ABCB11: variants seen among roughly 807,000 people sequenced by gnomAD.
ABCB11 encodes bile salt export pump.
Under a neutral mutation model 148.0 loss-of-function variants are expected in ABCB11, and 95 were observed. That is an observed-to-expected ratio of 0.64 (90% CI 0.54 to 0.76). The LOEUF (loss-of-function observed/expected upper bound fraction) is 0.76, where lower values mean the gene tolerates loss of function less well. Ranked by LOEUF, ABCB11 falls within the 30% of genes least tolerant of loss-of-function variation. The pLI, the probability that ABCB11 is intolerant of heterozygous loss-of-function variation, is 0.00. For missense variants in ABCB11, 1,523 were observed against 1,617.8 expected (o/e 0.94, Z 1.01); for synonymous variants, 591 against 555.4 (o/e 1.06, Z -0.90).
intron 8 of ABCB11, 36 bp from the exon 9 acceptor site, chr2:168,990,961 C>A (rs371433777): frequency 3.4e-5 from 55 of 1,606,324 alleles, no homozygotes; most frequent in Non-Finnish European, 4.5e-5. Flanking sequence ...AATGTGAAGT[C>A]CAAGAAATTA....
intron 25 of ABCB11, 124 bp from the exon 26 acceptor site, chr2:168,927,486 G>T: frequency 1.3e-6 from 1 of 757,726 alleles, no homozygotes; most frequent in Non-Finnish European, 2.1e-6. Flanking sequence ...CAATCCCAAG[G>T]CTAAAATTAT....
chr2:169,002,677 G>A (rs1694910762), intron 5 of ABCB11, among the ~76,000 whole-genome samples: 1 of 152,158 alleles, frequency 6.6e-6, no homozygotes, highest in African/African-American at 2.4e-5. Context: ...AATAAGCCAG[G>A]CACAGAAAGA....
chr2:169,006,010 C>CA (rs1695007665), intron 5 of ABCB11, among the ~76,000 whole-genome samples: 1 of 151,958 alleles, frequency 6.6e-6, no homozygotes, highest in African/African-American at 2.4e-5. Flanking sequence ...ACAAACTCTT[C>CA]AAAAAACAGA....
intron 10 of ABCB11, among the ~76,000 whole-genome samples, chr2:168,984,190 C>G (rs73018770): frequency 1.3e-5 from 2 of 152,046 alleles, no homozygotes; most frequent in Non-Finnish European, 2.9e-5. Context: ...CCTTCCTGGA[C>G]CCCCGCCACA....
chr2:169,023,184 C>A (rs532990476), intron 1 of ABCB11, among the ~76,000 whole-genome samples: 1 of 152,264 alleles, frequency 6.6e-6, no homozygotes, highest in East Asian at 1.9e-4. Context: ...CATGTTAATA[C>A]CCCAGATCCC....
chr2:168,944,898 CAAAAAG>C lies in ABCB11; in HGVS notation c.2401_2406del (p.Leu801_Phe802del). 6.3e-7 allele frequency: 1 copy of C among 1,578,152 alleles called. No homozygotes were observed. Among genetic ancestry groups the C allele is most frequent in the Non-Finnish European group, 8.6e-7 (1 of 1,160,270 alleles). On this transcript the variant is annotated inframe_deletion, in exon 20 of 28. Coordinates refer to ENST00000650372, the MANE Select transcript of ABCB11 (RefSeq NM_003742.4). ...AAAAGAGATACACAGCCCATTGCTA[CAAAAAG>C]TAGGCACACACCATTGATCTGTGAC...
chr2:168,930,067 T>C (rs1691499868), intron 25 of ABCB11, among the ~76,000 whole-genome samples: 2 of 152,096 alleles, frequency 1.3e-5, no homozygotes, highest in African/African-American at 4.8e-5. Context: ...TTTTGTGACC[T>C]TCTGCATATA....
At chr2:168,959,507 A>C (rs1460466984) in intron 18 of ABCB11, among the ~76,000 whole-genome samples, 1 of 151,686 alleles carries the variant, frequency 6.6e-6, no homozygotes, top group Admixed American at 6.6e-5. Flanking sequence ...TTTCATCCTT[A>C]AAACGAGAGA....
chr2:168,969,188 A>G (rs1693458020), intron 16 of ABCB11, among the ~76,000 whole-genome samples, 162 bp downstream of exon 16: 1 of 151,490 alleles, frequency 6.6e-6, no homozygotes, highest in Admixed American at 6.6e-5. Context: ...ACTTGATCAG[A>G]TAGCTTAGCT....
At chr2:168,992,756 C>T (rs956727843) in intron 8 of ABCB11, among the ~76,000 whole-genome samples, 4 of 152,002 alleles carry the variant, frequency 2.6e-5, no homozygotes, top group Admixed American at 1.3e-4. Context: ...TGAAATGGAG[C>T]GAGCTCTTTG....
At chr2:169,013,596 A>C in intron 4 of ABCB11, 86 bp from the exon 5 acceptor site, 19 of 1,096,112 alleles carry the variant, frequency 1.7e-5, no homozygotes, top group Non-Finnish European at 2.3e-5. Flanking sequence ...CTAGATTCTC[A>C]TGAATAGTAC....
At position 168,923,493 on chromosome 2, in the gene ABCB11, A is replaced by C; in HGVS notation, c.*129T>G. 1 of 828,318 alleles carries C rather than the reference A, an allele frequency of 1.2e-6. No individual in the cohort carries two copies. Among genetic ancestry groups the C allele is most frequent in the Non-Finnish European group, 1.9e-6 (1 of 528,032 alleles). The allele number at this position is 828,318 out of a possible 1,614,324, so 51.3% of individuals were successfully genotyped here. A position where few individuals can be genotyped will look rare whatever the true frequency, so the allele number is the denominator to read the frequency against. On this transcript the variant is annotated 3_prime_UTR_variant, in exon 28 of 28. Transcript: ENST00000650372. Reference sequence around the variant, plus strand: ...TCCGATGTAGGAAAATGACTGTAAAAGTAAAATATTAACATTCTTCTTTAA... The same window carrying C: ...TCCGATGTAGGAAAATGACTGTAAACGTAAAATATTAACATTCTTCTTTAA...
chr2:169,013,410 C>A lies in ABCB11; in HGVS notation c.251G>T (p.Gly84Val). The change falls in exon 5 of 28, where the codon GGC becomes GTC. Residue 84 changes from glycine to valine, a missense_variant. Coordinates refer to ENST00000650372, the MANE Select transcript of ABCB11 (RefSeq NM_003742.4). ...IAQPGVLLIF[G>V]TMTDVFIDYD... The stretch of plus-strand genomic sequence containing the variant: ...GTCAATAAAAACATCTGTCATTGTG[C>A]CAAAAATGAGTAGCACGCCTGGCTG... 2 of 1,613,700 alleles carry A rather than the reference C, an allele frequency of 1.2e-6. No individual in the cohort carries two copies. Among genetic ancestry groups the A allele is most frequent in the Non-Finnish European group, 1.7e-6 (2 of 1,179,762 alleles).
In ABCB11 at chr2:168,990,926, C is replaced by T. The variant is rs1186246637; in HGVS notation, c.784-1G>A. On this transcript the variant is annotated splice_acceptor_variant, in intron 8 of 27. Coordinates refer to ENST00000650372, the MANE Select transcript of ABCB11 (RefSeq NM_003742.4). LOFTEE classifies it high-confidence loss of function. ...CATAGTCCGTAAACTTGGACACACT[C>T]TAAAAATCAAAAAGAAGAAAAGAAA... The T allele has an allele frequency of 6.2e-7, 1 of 1,608,308 alleles. No individual in the cohort carries two copies. Among genetic ancestry groups the T allele is most frequent in the African/African-American group, 1.3e-5 (1 of 74,414 alleles).
At chr2:169,007,726 T>C (rs1305654932) in intron 5 of ABCB11, among the ~76,000 whole-genome samples, 1 of 151,378 alleles carries the variant, frequency 6.6e-6, no homozygotes, top group East Asian at 2.0e-4. Context: ...GACCTTGGAT[T>C]TGGCAATGGT....
chr2:169,027,543 C>T (rs914245379), intron 1 of ABCB11, among the ~76,000 whole-genome samples: 5 of 152,180 alleles, frequency 3.3e-5, no homozygotes, highest in African/African-American at 1.2e-4. Flanking sequence ...ACTCTAACAA[C>T]AGCATTCTGA....
chr2:168,975,698 A>G (rs1011915934), intron 12 of ABCB11, among the ~76,000 whole-genome samples: 39 of 102,690 alleles, frequency 3.8e-4, no homozygotes, highest in Admixed American at 6.6e-4. Context: ...CATTTTATAT[A>G]TATGTTTACC....
chr2:168,990,728 C>T, intron 9 of ABCB11, 73 bp downstream of exon 9: 1 of 1,591,122 alleles, frequency 6.3e-7, no homozygotes, highest in Non-Finnish European at 8.6e-7. Flanking sequence ...TGCCGCTTTG[C>T]ACAAACTGAG....
chr2:168,965,772 G>T lies in ABCB11; in HGVS notation c.2076-1464C>A, dbSNP rs567008592. On this transcript the variant is annotated intron_variant, in intron 17 of 27. Transcript: ENST00000650372. ...TTCACATATCTTTCTCTACCATTTT[G>T]CATCCAAGTGAAATTTCACCAAAAC... is the stretch of plus-strand genomic sequence containing the variant. Among the ~76,000 whole-genome samples the T allele has an allele frequency of 1.5e-4, 23 of 151,892 alleles. No individual in the cohort carries two copies. In the East Asian group the frequency reaches 1.8e-3, roughly 12 times the overall value.
Sources: allele counts gnomAD v4.1 joint callset (sites outside exome capture counted in the v4.1 genomes callset), GRCh38; gene constraint gnomAD v4.1.1; transcripts MANE v1.5; gene names NCBI Gene and HGNC (gene_info 2026-07-23, HGNC 2026-07-21).